DNAH14: variants seen among roughly 807,000 people sequenced by gnomAD.
The protein encoded by DNAH14 is dynein axonemal heavy chain 14, also known as axonemal beta dynein heavy chain 14.
DNAH14 carries 478 observed loss-of-function variants against 520.9 expected under a neutral mutation model. The ratio of observed to expected loss-of-function variants is 0.92; its 90% CI spans 0.85 to 0.99. DNAH14 has a LOEUF of 0.99. Among genes scored for constraint, DNAH14 ranks in the 50% least tolerant of loss-of-function variants. The pLI is 0.00. For missense variants in DNAH14, 4,831 were observed against 5,234.5 expected, an observed-to-expected ratio of 0.92 and a Z score of 2.38; for synonymous variants, 1,581 against 1,757.2, an observed-to-expected ratio of 0.90 and a Z score of 2.51.
chr1:225,359,706 A>G (rs140996863), intron 74 of DNAH14, among the ~76,000 whole-genome samples: 39 of 152,324 alleles, frequency 2.6e-4, no homozygotes, highest in Non-Finnish European at 4.9e-4. Context: ...TTTCTTGAAG[A>G]CTTAGCCCAT....
intron 36 of DNAH14, among the ~76,000 whole-genome samples, chr1:225,172,110 T>G (rs142742609): frequency 6.6e-6 from 1 of 152,232 alleles, no homozygotes; most frequent in South Asian, 2.1e-4. Flanking sequence ...ATGGGACATA[T>G]CTCAAAATAA....
At chr1:225,041,356 T>A (rs907826545) in intron 12 of DNAH14, among the ~76,000 whole-genome samples, 2 of 152,230 alleles carry the variant, frequency 1.3e-5, no homozygotes, top group Non-Finnish European at 2.9e-5. Flanking sequence ...ATCTGTAAAA[T>A]TTACAGTTCC....
intron 74 of DNAH14, among the ~76,000 whole-genome samples, chr1:225,359,111 A>C (rs2150533940): frequency 6.6e-6 from 1 of 152,336 alleles, no homozygotes; most frequent in South Asian, 2.1e-4. Flanking sequence ...GTTCTGTGTC[A>C]GATTATTCTG....
At chr1:225,325,718 T>TTGA (rs1191711974) in intron 64 of DNAH14, among the ~76,000 whole-genome samples, 1 of 152,186 alleles carries the variant, frequency 6.6e-6, no homozygotes, top group Admixed American at 6.5e-5. Context: ...ATTCAGTCCA[T>TTGA]TGATATCTTT....
At chr1:225,358,246 T>C (rs940783366) in intron 73 of DNAH14, among the ~76,000 whole-genome samples, 1 of 152,112 alleles carries the variant, frequency 6.6e-6, no homozygotes, top group Non-Finnish European at 1.5e-5. Flanking sequence ...AAGCAAGAGC[T>C]CACTCAGAGT....
At chr1:225,198,956 C>T (rs1489010588) in intron 38 of DNAH14, among the ~76,000 whole-genome samples, 4 of 152,090 alleles carry the variant, frequency 2.6e-5, no homozygotes, top group African/African-American at 9.7e-5. Context: ...AATTCTGCCA[C>T]GAATCTGTCT....
intron 23 of DNAH14, among the ~76,000 whole-genome samples, chr1:225,116,643 A>G (rs556306824): frequency 3.0e-4 from 46 of 152,314 alleles, no homozygotes; most frequent in African/African-American, 1.0e-3. Context: ...GCTCAAGAAG[A>G]GCATAATGAG....
At chr1:224,946,747 T>C (rs2125449572) in intron 1 of DNAH14, among the ~76,000 whole-genome samples, 1 of 152,210 alleles carries the variant, frequency 6.6e-6, no homozygotes, top group African/African-American at 2.4e-5. Context: ...CACATTTCAG[T>C]CACTTTGGAA....
intron 54 of DNAH14, among the ~76,000 whole-genome samples, chr1:225,279,687 A>C (rs1183608811): frequency 6.6e-6 from 1 of 152,154 alleles, no homozygotes. Flanking sequence ...TTTCAATTTA[A>C]GGCATTGGTT....
At chr1:225,388,676 A>C (rs1461276942) in intron 82 of DNAH14, among the ~76,000 whole-genome samples, 185 bp downstream of exon 82, 2 of 152,182 alleles carry the variant, frequency 1.3e-5, no homozygotes, top group African/African-American at 4.8e-5. Flanking sequence ...GTCCTGAGTA[A>C]GCTCCCTCCA....
rs1330633877 is a variant in DNAH14, at chr1:225,085,766, T to G, written c.3550T>G (p.Ser1184Ala). 1 of 1,550,432 alleles carries G rather than the reference T, an allele frequency of 6.4e-7. No homozygotes were observed. Among genetic ancestry groups the G allele is most frequent in the Admixed American group, 2.0e-5 (1 of 50,762 alleles). The change falls in exon 21 of 86, where the codon TCT becomes GCT. Residue 1184 changes from serine to alanine, a missense_variant. Transcript: ENST00000682510. ...AGTCATACTTGCAACAATTAAAGGA[T>G]CTCCCCACATTGGGCCCATTAAGGT... ...SQVILATIKG[S>A]PHIGPIKDLV...
chr1:225,289,342 T>C (rs2093814688), intron 54 of DNAH14, among the ~76,000 whole-genome samples: 1 of 152,118 alleles, frequency 6.6e-6, no homozygotes, highest in South Asian at 2.1e-4. Context: ...GTGAAGGCAA[T>C]TGTTCCAAAA....
At chr1:224,959,839 C>G (rs1383604206) in intron 3 of DNAH14, among the ~76,000 whole-genome samples, 6 of 152,128 alleles carry the variant, frequency 3.9e-5, no homozygotes, top group African/African-American at 1.4e-4. Flanking sequence ...TTAGTAAGCA[C>G]TTACTGTGTG....
intron 42 of DNAH14, among the ~76,000 whole-genome samples, chr1:225,240,081 G>C (rs754972868): frequency 6.6e-6 from 1 of 152,074 alleles, no homozygotes; most frequent in Admixed American, 6.6e-5. Context: ...CAACCTCTAC[G>C]ACTTGGTTGA....
chr1:225,007,283 C>T (rs2064252230), intron 9 of DNAH14, 130 bp from the exon 10 acceptor site: 3 of 590,952 alleles, frequency 5.1e-6, no homozygotes, highest in Non-Finnish European at 7.3e-6. Context: ...ACATGTAAGT[C>T]ATATAGGATA....
At chr1:224,985,251 C>G (rs1391819487) in intron 8 of DNAH14, among the ~76,000 whole-genome samples, 1 of 151,948 alleles carries the variant, frequency 6.6e-6, no homozygotes, top group African/African-American at 2.4e-5. Flanking sequence ...GTAAAGAAAC[C>G]CTGGTATATA....
intron 25 of DNAH14, chr1:225,118,236 A>C: frequency 1.9e-6 from 1 of 539,224 alleles, no homozygotes. Flanking sequence ...TCTAATTTGC[A>C]CTTACATTTT....
intron 77 of DNAH14, among the ~76,000 whole-genome samples, chr1:225,373,605 G>A (rs1356718305): frequency 6.6e-6 from 1 of 152,120 alleles, no homozygotes; most frequent in African/African-American, 2.4e-5. Context: ...GTCAACCTAT[G>A]TGCAAATAGA....
chr1:225,117,625 G>GTAAT, intron 23 of DNAH14, 59 bp from the exon 24 acceptor site: 1 of 1,048,272 alleles, frequency 9.5e-7, no homozygotes, highest in East Asian at 2.6e-5. Context: ...AAATGAGGAT[G>GTAAT]TAATTCATAT....
Sources: gnomAD v4.1 joint callset for allele counts (sites outside exome capture counted in the v4.1 genomes callset) on GRCh38, gnomAD v4.1.1 for gene constraint, MANE v1.5 for transcripts, NCBI Gene and HGNC (gene_info 2026-07-23, HGNC 2026-07-21) for gene names.